Variants in FBXW8 observed in about 807,000 individuals in gnomAD.
The protein encoded by FBXW8 is F-box and WD repeat domain containing 8.
A neutral mutation model predicts 65.3 loss-of-function variants in FBXW8; 57 were observed. The ratio of observed to expected loss-of-function variants is 0.87; its 90% CI spans 0.71 to 1.09. The LOEUF is 1.09. Among genes scored for constraint, FBXW8 ranks in the 50% least tolerant of loss-of-function variants. The pLI is 0.00. For synonymous variants in FBXW8, 308 were observed against 330.2 expected, an observed-to-expected ratio of 0.93 and a Z score of 0.73; for missense variants, 777 against 814.8, an observed-to-expected ratio of 0.95 and a Z score of 0.57.
chr12:116,976,449 CCTTT>C (rs1884942659), intron 5 of FBXW8, among the ~76,000 whole-genome samples: 1 of 98,662 alleles, frequency 1.0e-5, no homozygotes, highest in Non-Finnish European at 2.1e-5. Flanking sequence ...TCCAAAGGAT[CCTTT>C]TTTTTTTTTT....
chr12:116,988,793 T>TCA lies in FBXW8; in HGVS notation c.1166_1167dup (p.Cys390HisfsTer3). 1 of 1,614,168 alleles carries TCA rather than the reference T, an allele frequency of 6.2e-7. No individual in the cohort carries two copies. The highest frequency in any genetic ancestry group is 8.5e-7 in the Non-Finnish European group (1 of 1,180,038). On this transcript the variant is annotated frameshift_variant, in exon 7 of 11. Transcript: ENST00000652555. LOFTEE classifies it high-confidence loss of function. ...CTCCTTTACGCCCACGGCCCGCCTG[T>TCA]CACATGTCTAGACGTCTCGGCCAAC...
intron 7 of FBXW8, among the ~76,000 whole-genome samples, chr12:117,006,149 TA>T (rs1953670100): frequency 6.6e-6 from 1 of 152,240 alleles, no homozygotes; most frequent in African/African-American, 2.4e-5. Context: ...GGTGGTGGTT[TA>T]ATGCCTGTAG....
chr12:116,918,774 A>G (rs1401786146), intron 1 of FBXW8, among the ~76,000 whole-genome samples: 1 of 152,132 alleles, frequency 6.6e-6, no homozygotes, highest in Non-Finnish European at 1.5e-5. Flanking sequence ...TGGGAGTGGG[A>G]TGGTTTCCTA....
intron 7 of FBXW8, among the ~76,000 whole-genome samples, chr12:117,000,759 C>T (rs1175879557): frequency 6.6e-6 from 1 of 152,206 alleles, no homozygotes; most frequent in African/African-American, 2.4e-5. Context: ...AATCATGGTA[C>T]CTATCTTACA....
chr12:117,003,015 G>A (rs1953573118), intron 7 of FBXW8: 1 of 152,208 alleles, frequency 6.6e-6, no homozygotes, highest in Non-Finnish European at 1.5e-5. Context: ...CCATGAAGAT[G>A]TATAGGACTT....
intron 9 of FBXW8, among the ~76,000 whole-genome samples, chr12:117,025,071 T>C (rs1343588115): frequency 6.6e-6 from 1 of 152,026 alleles, no homozygotes; most frequent in Non-Finnish European, 1.5e-5. Context: ...CAGAGCTGAC[T>C]TGAGCCCACC....
chr12:116,928,331 C>G lies in FBXW8; in HGVS notation c.423+204C>G, dbSNP rs558366896. The stretch of plus-strand genomic sequence containing the variant: ...TACTCGGTGTGTATCTTTCTGTGAC[C>G]CAAGAGCTCTTTTCTCCCTGCAGTC... On this transcript the variant is annotated intron_variant, in intron 2 of 10. Coordinates refer to ENST00000652555, the MANE Select transcript of FBXW8 (RefSeq NM_153348.3). Among the ~76,000 whole-genome samples the G allele has an allele frequency of 2.0e-5, 3 of 152,250 alleles. No homozygotes were observed. The South Asian group carries it at 6.2e-4, about 32-fold the overall frequency.
Position 116,911,218 on chromosome 12 carries a change from G to A in FBXW8, c.181G>A (p.Glu61Lys), listed in dbSNP as rs1196698457. 8.0e-7 allele frequency: 1 copy of A among 1,248,224 alleles called. No individual in the cohort carries two copies. 77.3% of individuals were successfully genotyped at this position (1,248,224 alleles called of 1,614,324 possible). A position where few individuals can be genotyped will look rare whatever the true frequency, so the allele number is the denominator to read the frequency against. ...GDPALAQRLL[E>K]GAGRPPAARA... ...CCCGGCGCTGGCCCAGCGTCTCCTG[G>A]AGGGCGCGGGGAGGCCCCCGGCGGC... The change falls in exon 1 of 11, where the codon GAG becomes AAG. Residue 61 changes from glutamate to lysine, a missense_variant. Coordinates refer to ENST00000652555, the MANE Select transcript of FBXW8 (RefSeq NM_153348.3).
At chr12:116,980,113 C>T (rs1191912542) in intron 5 of FBXW8, 1 of 152,186 alleles carries the variant, frequency 6.6e-6, no homozygotes, top group Non-Finnish European at 1.5e-5. Flanking sequence ...AGTAGAAGAC[C>T]TCCTGGAATG....
intron 2 of FBXW8, among the ~76,000 whole-genome samples, chr12:116,943,136 T>G (rs1313120920): frequency 6.6e-6 from 1 of 152,182 alleles, no homozygotes; most frequent in East Asian, 1.9e-4. Context: ...ATGCTTTCTT[T>G]TAGTATTTTG....
chr12:116,957,558 T>G (rs913704420), intron 4 of FBXW8, among the ~76,000 whole-genome samples: 1 of 152,242 alleles, frequency 6.6e-6, no homozygotes, highest in African/African-American at 2.4e-5. Context: ...ACTTTGAGAC[T>G]GTTGAGATAA....
intron 1 of FBXW8, among the ~76,000 whole-genome samples, chr12:116,914,685 A>G (rs1880259604): frequency 6.6e-6 from 1 of 151,804 alleles, no homozygotes; most frequent in African/African-American, 2.4e-5. Context: ...AGACCAGCCT[A>G]ACCAACAAGG....
At chr12:117,009,627 T>C (rs1953757146) in intron 7 of FBXW8, among the ~76,000 whole-genome samples, 1 of 152,200 alleles carries the variant, frequency 6.6e-6, no homozygotes, top group Non-Finnish European at 1.5e-5. Context: ...TTAATACTTT[T>C]TAAGCAAAAA....
At chr12:117,018,465 C>T (rs1283514997) in intron 8 of FBXW8, among the ~76,000 whole-genome samples, 4 of 152,194 alleles carry the variant, frequency 2.6e-5, no homozygotes, top group African/African-American at 9.6e-5. Flanking sequence ...GAGCTGACGA[C>T]GGGCTTTGCC....
chr12:117,027,639 A>AACAT, intron 10 of FBXW8, 135 bp downstream of exon 10: 1 of 735,494 alleles, frequency 1.4e-6, no homozygotes, highest in Non-Finnish European at 2.4e-6. Context: ...GCGAATTGGA[A>AACAT]ACATAAACGT....
intron 5 of FBXW8, among the ~76,000 whole-genome samples, 187 bp downstream of exon 5, chr12:116,965,041 A>G (rs961032294): frequency 1.3e-5 from 2 of 152,240 alleles, no homozygotes; most frequent in Non-Finnish European, 2.9e-5. Context: ...ATGCATTAGT[A>G]GGCATTGGAA....
At position 116,988,771 on chromosome 12, in the gene FBXW8, CT is replaced by C; in HGVS notation, c.1144del (p.Tyr382ThrfsTer10). On this transcript the variant is annotated frameshift_variant, in exon 7 of 11. Transcript: ENST00000652555. LOFTEE classifies it high-confidence loss of function. ...AGCCGAAGACTCCGCCAGAACCCTC[CT>C]TTACGCCCACGGCCCGCCTGTCACA... The part of the protein sequence containing the change: ...LKAEDSARTL[L>X]YAHGPPVTCL... The C allele has an allele frequency of 6.2e-7, 1 of 1,614,200 alleles. No individual in the cohort carries two copies. The highest frequency in any genetic ancestry group is 8.5e-7 in the Non-Finnish European group (1 of 1,180,046).
rs953521136 is a variant in FBXW8 at position 116,988,743 on chromosome 12, C to T, written c.1113C>T (p.Leu371=). The T allele has an allele frequency of 6.2e-7, 1 of 1,614,034 alleles. No individual in the cohort carries two copies. Among genetic ancestry groups the T allele is most frequent in the Non-Finnish European group, 8.5e-7 (1 of 1,180,042 alleles). Residue 371 remains leucine, a synonymous_variant, in exon 7 of 11, where the codon CTC becomes CTT. Transcript: ENST00000652555. The part of the protein sequence containing the change: ...VAAAGDLMYL[L]KAEDSARTLL... ...CTGCTGGAGATCTGATGTACCTGCT[C>T]AAAGCCGAAGACTCCGCCAGAACCC...
intron 7 of FBXW8, among the ~76,000 whole-genome samples, chr12:116,993,396 C>T (rs1953301058): frequency 6.6e-6 from 1 of 152,002 alleles, no homozygotes; most frequent in Non-Finnish European, 1.5e-5. Context: ...GCCACCGCAC[C>T]CGGCCTGTTT....
Sources: allele counts gnomAD v4.1 joint callset (sites outside exome capture counted in the v4.1 genomes callset), GRCh38; gene constraint gnomAD v4.1.1; transcripts MANE v1.5; gene names NCBI Gene and HGNC (gene_info 2026-07-23, HGNC 2026-07-21).